The following RABGAP1L variants were observed in gnomAD, a reference collection of about 807,000 sequenced individuals.
RABGAP1L encodes the protein rab GTPase-activating protein 1-like.
Under a neutral mutation model 137.7 loss-of-function variants are expected in RABGAP1L, and 63 were observed. The ratio of observed to expected loss-of-function variants is 0.46; its 90% CI spans 0.37 to 0.56. RABGAP1L has a LOEUF of 0.56. RABGAP1L is among the 20% of genes least tolerant of loss of function. The pLI, the probability that RABGAP1L is intolerant of heterozygous loss-of-function variation, is 0.00. For missense variants in RABGAP1L, 1,095 were observed against 1,244.0 expected (o/e 0.88, Z 1.80); for synonymous variants, 431 against 433.7 (o/e 0.99, Z 0.08).
chr1:174,414,677 T>A (rs1459988754), intron 13 of RABGAP1L, among the ~76,000 whole-genome samples: 1 of 152,162 alleles, frequency 6.6e-6, no homozygotes, highest in Non-Finnish European at 1.5e-5. Flanking sequence ...AAGTTACAAA[T>A]TTTGGTAGAA....
intron 11 of RABGAP1L, among the ~76,000 whole-genome samples, chr1:174,369,356 A>AT (rs534395798): frequency 8.5e-4 from 130 of 152,106 alleles, no homozygotes; most frequent in African/African-American, 3.0e-3. Flanking sequence ...TGCCCAGCTA[A>AT]TTTTTTGTAA....
Position 174,726,662 on chromosome 1 carries a change from CT to C in RABGAP1L, c.2169+24408del, listed in dbSNP as rs1682011488. On this transcript the variant is annotated intron_variant, in intron 17 of 25. Transcript: ENST00000681986. ...TTCTAAGAGATAGAAATTTTGTTAGCTTGATTTTTCTGACTTTTTGTCATTC... is the reference window on the plus strand; with the variant it reads ...TTCTAAGAGATAGAAATTTTGTTAGCTGATTTTTCTGACTTTTTGTCATTC... Among the ~76,000 whole-genome samples the C allele has an allele frequency of 4.6e-5, 7 of 152,106 alleles. No homozygotes were observed. The South Asian group carries it at 1.5e-3, about 32-fold the overall frequency.
chr1:174,989,777 GCA>G, intron 25 of RABGAP1L, 70 bp from the exon 26 acceptor site: 2 of 1,480,958 alleles, frequency 1.4e-6, no homozygotes, highest in Non-Finnish European at 1.8e-6. Flanking sequence ...CCAAAAAGCT[GCA>G]CACTTTTATT....
chr1:174,824,304 G>T (rs1347584740), intron 19 of RABGAP1L, among the ~76,000 whole-genome samples: 2 of 151,416 alleles, frequency 1.3e-5, no homozygotes, highest in South Asian at 2.1e-4. Flanking sequence ...AAAATATATA[G>T]ATATAGATAT....
intron 4 of RABGAP1L, among the ~76,000 whole-genome samples, chr1:174,238,364 G>GT (rs1432157037): frequency 6.6e-6 from 1 of 152,032 alleles, no homozygotes; most frequent in Non-Finnish European, 1.5e-5. Flanking sequence ...AGAGTTTCCA[G>GT]TTTTTCTGTT....
chr1:174,419,518 T>A (rs1256189278), intron 13 of RABGAP1L, among the ~76,000 whole-genome samples: 2 of 152,252 alleles, frequency 1.3e-5, no homozygotes, highest in Non-Finnish European at 2.9e-5. Context: ...ACTATTTTCT[T>A]TAAAACAGTT....
chr1:174,537,915 C>A (rs531845697), intron 13 of RABGAP1L, among the ~76,000 whole-genome samples: 150 of 152,252 alleles, frequency 9.9e-4, no homozygotes, highest in African/African-American at 3.4e-3. Flanking sequence ...TAAGGGCTCA[C>A]CCAGTTAGTT....
chr1:174,605,780 T>G (rs77359576), intron 13 of RABGAP1L, among the ~76,000 whole-genome samples: 1 of 152,358 alleles, frequency 6.6e-6, no homozygotes, highest in East Asian at 1.9e-4. Context: ...ATTTTGTTCT[T>G]GCAAATTGAT....
At chr1:174,856,998 T>G (rs1422377838) in intron 19 of RABGAP1L, among the ~76,000 whole-genome samples, 1 of 152,080 alleles carries the variant, frequency 6.6e-6, no homozygotes, top group Non-Finnish European at 1.5e-5. Context: ...CTTTCAAAAT[T>G]TACAAGTGTA....
At chr1:174,454,770 C>T (rs1655853868) in intron 13 of RABGAP1L, among the ~76,000 whole-genome samples, 3 of 151,742 alleles carry the variant, frequency 2.0e-5, no homozygotes, top group African/African-American at 7.3e-5. Context: ...AGGATGGTCT[C>T]GATCTCCTGA....
At chr1:174,171,655 T>C (rs1273585232) in intron 1 of RABGAP1L, among the ~76,000 whole-genome samples, 1 of 149,750 alleles carries the variant, frequency 6.7e-6, no homozygotes, top group African/African-American at 2.5e-5. Flanking sequence ...TCCTTTCCCC[T>C]GGTAACTGTG....
intron 19 of RABGAP1L, among the ~76,000 whole-genome samples, chr1:174,848,970 G>A (rs990246685): frequency 6.6e-5 from 10 of 151,936 alleles, no homozygotes; most frequent in Non-Finnish European, 1.0e-4. Flanking sequence ...CGCAATATTC[G>A]GGTGGGAGTG....
At chr1:174,906,735 A>G (rs1028529367) in intron 19 of RABGAP1L, among the ~76,000 whole-genome samples, 7 of 152,100 alleles carry the variant, frequency 4.6e-5, no homozygotes, top group Admixed American at 4.6e-4. Context: ...CCCAAGGGAT[A>G]TAGTAAACTC....
intron 13 of RABGAP1L, among the ~76,000 whole-genome samples, chr1:174,408,729 GT>G (rs56907348): frequency 0.35 from 53,362 of 150,826 alleles, 12,014 homozygotes; most frequent in African/African-American, 0.64. Context: ...AGCATCTGTT[GT>G]TTTTTTTTGA....
At chr1:174,449,187 G>A in intron 13 of RABGAP1L, 2 of 1,596,154 alleles carry the variant, frequency 1.3e-6, no homozygotes, top group South Asian at 2.3e-5. Context: ...GCTAATTCTT[G>A]CTCCATTTGA....
chr1:174,984,481 C>T (rs1362124231), intron 24 of RABGAP1L, among the ~76,000 whole-genome samples: 1 of 152,182 alleles, frequency 6.6e-6, no homozygotes, highest in Non-Finnish European at 1.5e-5. Flanking sequence ...TGGCTCACGC[C>T]TGTAATCCCA....
intron 1 of RABGAP1L, among the ~76,000 whole-genome samples, chr1:174,192,600 A>G (rs574718108): frequency 1.2e-3 from 180 of 152,158 alleles, no homozygotes; most frequent in African/African-American, 4.1e-3. Context: ...GGGATTACAC[A>G]CGTGAGCCAC....
intron 19 of RABGAP1L, among the ~76,000 whole-genome samples, chr1:174,869,835 A>G (rs1216582736): frequency 3.3e-5 from 5 of 152,204 alleles, no homozygotes; most frequent in African/African-American, 1.2e-4. Flanking sequence ...TCTACCATGT[A>G]AGGACACAGA....
At chr1:174,939,251 C>CAA (rs1665419281) in intron 19 of RABGAP1L, among the ~76,000 whole-genome samples, 1 of 151,842 alleles carries the variant, frequency 6.6e-6, no homozygotes, top group African/African-American at 2.4e-5. Context: ...TTGTTCTATC[C>CAA]AAGATTAAAG....
Sources: allele counts gnomAD v4.1 joint callset (sites outside exome capture counted in the v4.1 genomes callset), GRCh38; gene constraint gnomAD v4.1.1; transcripts MANE v1.5; gene names NCBI Gene and HGNC (gene_info 2026-07-23, HGNC 2026-07-21).